Variants in KCNA6 observed in about 807,000 individuals in gnomAD.
The protein encoded by KCNA6 is potassium voltage-gated channel subfamily A member 6, also known as human brain potassium channel-2.
A neutral mutation model predicts 29.5 loss-of-function variants in KCNA6; 17 were observed. That is an observed-to-expected ratio of 0.58 (90% CI 0.39 to 0.86). KCNA6 has a LOEUF of 0.86. Among genes scored for constraint, KCNA6 ranks in the 40% least tolerant of loss-of-function variants. The pLI, the probability that KCNA6 is intolerant of heterozygous loss-of-function variation, is 0.00. For missense variants in KCNA6, 450 were observed against 703.4 expected, an observed-to-expected ratio of 0.64 and a Z score of 4.07; for synonymous variants, 296 against 304.7, an observed-to-expected ratio of 0.97 and a Z score of 0.30.
chr12:4,815,499 A>G (rs1946673463), downstream of KCNA6, among the ~76,000 whole-genome samples: 1 of 152,216 alleles, frequency 6.6e-6, no homozygotes, highest in Non-Finnish European at 1.5e-5. Context: ...TCTGCTGAGT[A>G]GCCCTGGACC....
chr12:4,845,593 C>T, the KCNA6 span, among the ~76,000 whole-genome samples: 1 of 152,068 alleles, frequency 6.6e-6, no homozygotes, highest in African/African-American at 2.4e-5. Context: ...GTAATTTGTG[C>T]AATGTTTGGG....
In KCNA6 at chr12:4,810,584, G is replaced by A. The variant is rs1398005172; in HGVS notation, c.543G>A (p.Val181=). 6.2e-7 allele frequency: 1 copy of A among 1,614,066 alleles called. No homozygotes were observed. The highest frequency in any genetic ancestry group is 8.5e-7 in the Non-Finnish European group (1 of 1,180,038). The change falls in exon 1 of 1, where the codon GTG becomes GTA. Residue 181 remains valine, a synonymous_variant. Transcript: ENST00000280684. The surrounding 1 kb of genome is among the most constrained non-coding windows in gnomAD (Gnocchi z 7.5). ...CCAGGGGCATCGCCATCGTCTCCGT[G>A]TTGGTCATTCTCATCTCCATAGTCA...
At chr12:4,840,381 A>G in the KCNA6 span, among the ~76,000 whole-genome samples, 1 of 152,194 alleles carries the variant, frequency 6.6e-6, no homozygotes, top group Non-Finnish European at 1.5e-5. Flanking sequence ...AGCACATGAA[A>G]AAAGCTCAAT....
the KCNA6 span, among the ~76,000 whole-genome samples, chr12:4,834,414 T>C: frequency 6.6e-6 from 1 of 152,156 alleles, no homozygotes; most frequent in East Asian, 1.9e-4. Flanking sequence ...ATTAAGCCTA[T>C]AATGTGTGAG....
the KCNA6 span, among the ~76,000 whole-genome samples, chr12:4,849,420 C>T: frequency 9.4e-5 from 14 of 149,020 alleles, no homozygotes; most frequent in Non-Finnish European, 1.5e-5. Context: ...CCAAAGAAAA[C>T]TTTGACCATT....
At chr12:4,817,657 G>T (rs78245922), downstream of KCNA6, among the ~76,000 whole-genome samples, 3 of 152,166 alleles carry the variant, frequency 2.0e-5, no homozygotes, top group African/African-American at 7.2e-5. Context: ...AAGAGGAAAG[G>T]TTCCTACCCT....
At chr12:4,824,003 G>A in the KCNA6 span, among the ~76,000 whole-genome samples, 1 of 152,154 alleles carries the variant, frequency 6.6e-6, no homozygotes, top group East Asian at 1.9e-4. Context: ...TCCACCCTGA[G>A]GAAGTCAGCT....
At chr12:4,824,127 G>A in the KCNA6 span, among the ~76,000 whole-genome samples, 1 of 152,202 alleles carries the variant, frequency 6.6e-6, no homozygotes, top group Non-Finnish European at 1.5e-5. Context: ...CATCCCTCAT[G>A]GTGGCCAGTG....
the KCNA6 span, among the ~76,000 whole-genome samples, chr12:4,832,190 G>A: frequency 4.6e-5 from 7 of 151,876 alleles, no homozygotes; most frequent in South Asian, 8.4e-4. Context: ...GTCAGCCCAC[G>A]ACCATCCCTT....
At chr12:4,822,341 AT>A in the KCNA6 span, among the ~76,000 whole-genome samples, 1 of 152,178 alleles carries the variant, frequency 6.6e-6, no homozygotes, top group African/African-American at 2.4e-5. Flanking sequence ...GTGTGATTTC[AT>A]CTAAGTGGCT....
chr12:4,830,593 C>A, the KCNA6 span, among the ~76,000 whole-genome samples: 1 of 152,234 alleles, frequency 6.6e-6, no homozygotes, highest in African/African-American at 2.4e-5. Flanking sequence ...CCCCGCAACC[C>A]GCTGCGGGCT....
chr12:4,809,737 G>T (rs41276712), exon 1 of KCNA6: 21,782 of 315,746 alleles, frequency 0.069, 1,257 homozygotes, highest in East Asian at 0.21. Context: ...GTCTTTTCGG[G>T]CAGCCAATTT....
the KCNA6 span, among the ~76,000 whole-genome samples, chr12:4,842,012 C>CATGT: frequency 3.1e-4 from 39 of 124,980 alleles, no homozygotes; most frequent in Admixed American, 2.6e-3. Flanking sequence ...ATGGAGCTTA[C>CATGT]GTGTGTGTGT....
chr12:4,817,934 C>T (rs767103285), downstream of KCNA6, among the ~76,000 whole-genome samples: 21 of 152,192 alleles, frequency 1.4e-4, no homozygotes, highest in Non-Finnish European at 2.6e-4. Context: ...AGAGCAAAGG[C>T]GACATTTCAA....
exon 1 of KCNA6, chr12:4,809,766 G>C: frequency 2.5e-6 from 1 of 392,574 alleles, no homozygotes; most frequent in Non-Finnish European, 4.5e-6. Flanking sequence ...CCTGTGTGCG[G>C]TTCCGGGCAT....
At chr12:4,839,571 CAG>C in the KCNA6 span, among the ~76,000 whole-genome samples, 1 of 152,162 alleles carries the variant, frequency 6.6e-6, no homozygotes. Context: ...TTCAACCGCT[CAG>C]GGGTCGGCAC....
chr12:4,825,877 C>A, the KCNA6 span, among the ~76,000 whole-genome samples: 2 of 151,424 alleles, frequency 1.3e-5, no homozygotes, highest in Non-Finnish European at 2.9e-5. Flanking sequence ...CTGTAACAGC[C>A]AATTCCTATG....
chr12:4,827,468 G>A, the KCNA6 span, among the ~76,000 whole-genome samples: 2 of 152,218 alleles, frequency 1.3e-5, no homozygotes, highest in African/African-American at 4.8e-5. Flanking sequence ...AAGCAGGGGA[G>A]TGCAGCCCAG....
At chr12:4,823,444 G>C in the KCNA6 span, among the ~76,000 whole-genome samples, 1 of 151,694 alleles carries the variant, frequency 6.6e-6, no homozygotes, top group Non-Finnish European at 1.5e-5. Context: ...TTAGGAACTA[G>C]GAGATATTTT....
Sources: allele counts gnomAD v4.1 joint callset (sites outside exome capture counted in the v4.1 genomes callset), GRCh38; gene constraint gnomAD v4.1.1; non-coding constraint Gnocchi (gnomAD v3.1); transcripts MANE v1.5; gene names NCBI Gene and HGNC (gene_info 2026-07-23, HGNC 2026-07-21).